CGNL1: variants seen among roughly 807,000 people sequenced by gnomAD.
The protein encoded by CGNL1 is cingulin-like protein 1.
In CGNL1, 132 loss-of-function variants were observed where a neutral mutation model predicts 141.2. That is an observed-to-expected ratio of 0.93 (90% CI 0.81 to 1.08). The LOEUF is 1.08. Ranked by LOEUF, CGNL1 falls within the 50% of genes least tolerant of loss-of-function variation. The pLI, the probability that CGNL1 is intolerant of heterozygous loss-of-function variation, is 0.00. For synonymous variants in CGNL1, 690 were observed against 622.1 expected (o/e 1.11, Z -1.63); for missense variants, 1,870 against 1,588.6 (o/e 1.18, Z -3.01).
At chr15:57,522,985 A>G (rs2031368220) in intron 10 of CGNL1, among the ~76,000 whole-genome samples, 1 of 152,152 alleles carries the variant, frequency 6.6e-6, no homozygotes, top group Non-Finnish European at 1.5e-5. Flanking sequence ...CTTTACCCAA[A>G]TGGACCTTTG....
At chr15:57,502,514 G>C (rs1388570858) in intron 8 of CGNL1, among the ~76,000 whole-genome samples, 1 of 152,150 alleles carries the variant, frequency 6.6e-6, no homozygotes, top group Non-Finnish European at 1.5e-5. Context: ...TTTATGAATG[G>C]GTAAGATGAA....
Position 57,528,653 on chromosome 15 carries a change from G to A in CGNL1, c.3040-1G>A, listed in dbSNP as rs773579504. On this transcript the variant is annotated splice_acceptor_variant, in intron 12 of 18. Coordinates refer to ENST00000281282, the MANE Select transcript of CGNL1 (RefSeq NM_032866.5). LOFTEE classifies it high-confidence loss of function. ...ACCATCCCAGCTGTCTCTCCTCCTA[G>A]ATGCGTCTGATGGAGGAAGAGTTAC... 1 of 1,613,950 alleles carries A rather than the reference G, an allele frequency of 6.2e-7. No individual in the cohort carries two copies. Among genetic ancestry groups the A allele is most frequent in the East Asian group, 2.2e-5 (1 of 44,872 alleles).
At chr15:57,504,566 C>T (rs374690547) in intron 8 of CGNL1, among the ~76,000 whole-genome samples, 12 of 152,314 alleles carry the variant, frequency 7.9e-5, no homozygotes, top group East Asian at 3.9e-4. Flanking sequence ...TGTAGCTTAA[C>T]GAAGAAAAGC....
At chr15:57,533,805 G>C (rs142195769) in intron 14 of CGNL1, among the ~76,000 whole-genome samples, 17 of 152,288 alleles carry the variant, frequency 1.1e-4, no homozygotes, top group Admixed American at 9.2e-4. Flanking sequence ...TGTGGTCAAG[G>C]CTAAAAATAT....
intron 8 of CGNL1, among the ~76,000 whole-genome samples, chr15:57,484,197 A>G (rs2063760018): frequency 6.6e-6 from 1 of 152,158 alleles, no homozygotes; most frequent in Non-Finnish European, 1.5e-5. Context: ...TCTTTTTTGA[A>G]CACTAGGTAG....
At chr15:57,488,883 T>G (rs1222399049) in intron 8 of CGNL1, among the ~76,000 whole-genome samples, 1 of 152,186 alleles carries the variant, frequency 6.6e-6, no homozygotes, top group Middle Eastern at 3.4e-3. Context: ...AAGAGTGGTT[T>G]TTCTACTAGA....
chr15:57,451,659 A>G, intron 5 of CGNL1, 58 bp downstream of exon 5: 2 of 1,292,314 alleles, frequency 1.5e-6, no homozygotes, highest in Non-Finnish European at 2.2e-6. Context: ...GATAAAGAAT[A>G]TTTTACATGC....
chr15:57,461,874 T>C lies in CGNL1; in HGVS notation c.2385T>C (p.Ser795=). 6.2e-7 allele frequency: 1 copy of C among 1,612,156 alleles called. No individual in the cohort carries two copies. Among genetic ancestry groups the C allele is most frequent in the Non-Finnish European group, 8.5e-7 (1 of 1,179,532 alleles). The change falls in exon 8 of 19, where the codon AGT becomes AGC. Residue 795 remains serine (S), a synonymous_variant. Transcript: ENST00000281282. ...CTGAGTTGCAGGCCCTGAGGGAGAG[T>C]GTGGAAGAAGCAACCAAGGTGAGGG... ...YDAELQALRE[S]VEEATKNVEV...
chr15:57,502,285 A>G (rs2064036145), intron 8 of CGNL1, among the ~76,000 whole-genome samples: 1 of 152,210 alleles, frequency 6.6e-6, no homozygotes, highest in African/African-American at 2.4e-5. Flanking sequence ...GAATGCAGAC[A>G]TCAGCTCAGT....
intron 1 of CGNL1, among the ~76,000 whole-genome samples, chr15:57,381,769 A>C (rs528764250): frequency 1.4e-4 from 21 of 152,188 alleles, no homozygotes; most frequent in Middle Eastern, 3.4e-3. Flanking sequence ...CCTCGTGTAA[A>C]TAGGAATTTT....
intron 8 of CGNL1, among the ~76,000 whole-genome samples, chr15:57,469,923 C>G (rs2063558002): frequency 6.6e-6 from 1 of 152,228 alleles, no homozygotes; most frequent in Non-Finnish European, 1.5e-5. Flanking sequence ...AAAACCAGTG[C>G]TAATCTCAGG....
chr15:57,477,699 G>A (rs2063674266), intron 8 of CGNL1: 1 of 152,278 alleles, frequency 6.6e-6, no homozygotes, highest in Non-Finnish European at 1.5e-5. Context: ...TGGTTTTGGG[G>A]TTTTGGAGGC....
At chr15:57,529,867 C>T (rs2031855797) in intron 13 of CGNL1, among the ~76,000 whole-genome samples, 1 of 152,168 alleles carries the variant, frequency 6.6e-6, no homozygotes, top group Admixed American at 6.5e-5. Context: ...TTGTTTAAGT[C>T]ATTGAAGATT....
At chr15:57,435,237 T>A (rs2063091640) in intron 1 of CGNL1, among the ~76,000 whole-genome samples, 2 of 152,232 alleles carry the variant, frequency 1.3e-5, no homozygotes, top group South Asian at 4.1e-4. Context: ...GTCATAATAA[T>A]GTAAATAGTT....
intron 7 of CGNL1, among the ~76,000 whole-genome samples, chr15:57,461,029 A>G (rs1200385154): frequency 6.6e-6 from 1 of 152,146 alleles, no homozygotes; most frequent in Non-Finnish European, 1.5e-5. Context: ...AAGGTCTGGG[A>G]CAAAAATGCT....
intron 1 of CGNL1, among the ~76,000 whole-genome samples, chr15:57,420,313 A>G (rs1264626961): frequency 6.6e-6 from 1 of 152,184 alleles, no homozygotes. Context: ...AAAGAGCAAG[A>G]AAACATAGAT....
intron 10 of CGNL1, among the ~76,000 whole-genome samples, chr15:57,523,032 A>C (rs1407368748): frequency 6.6e-5 from 10 of 152,188 alleles, no homozygotes; most frequent in African/African-American, 2.4e-4. Context: ...ATTCATTTTT[A>C]GTTATTCTAA....
chr15:57,483,099 T>C (rs1486856584), intron 8 of CGNL1, among the ~76,000 whole-genome samples: 3 of 152,220 alleles, frequency 2.0e-5, no homozygotes, highest in African/African-American at 7.2e-5. Context: ...CCTTTTCATA[T>C]AAATGTTAGA....
intron 8 of CGNL1, among the ~76,000 whole-genome samples, chr15:57,499,022 G>C (rs1398366212): frequency 1.3e-5 from 2 of 152,130 alleles, no homozygotes; most frequent in Admixed American, 1.3e-4. Context: ...AGGGTGACAT[G>C]ATCTGATTTG....
Sources: gnomAD v4.1 joint callset for allele counts (sites outside exome capture counted in the v4.1 genomes callset) on GRCh38, gnomAD v4.1.1 for gene constraint, MANE v1.5 for transcripts, NCBI Gene and HGNC (gene_info 2026-07-23, HGNC 2026-07-21) for gene names.